NCKAP5: variants seen among roughly 807,000 people sequenced by gnomAD.
The protein encoded by NCKAP5 is NCK associated protein 5.
NCKAP5 carries 92 observed loss-of-function variants against 167.0 expected under a neutral mutation model. The ratio of observed to expected loss-of-function variants is 0.55; its 90% confidence interval spans 0.47 to 0.66. NCKAP5 has a LOEUF of 0.66. Among genes scored for constraint, NCKAP5 ranks in the 30% least tolerant of loss-of-function variants. NCKAP5 has a pLI of 0.00. For missense variants in NCKAP5, 2,378 were observed against 2,315.0 expected (o/e 1.03, Z -0.56); for synonymous variants, 891 against 877.4 (o/e 1.02, Z -0.27).
rs1317559298 is a variant in NCKAP5, at chr2:132,821,906, G to A, written c.808-25177C>T. On this transcript the variant is annotated intron_variant, in intron 11 of 19. Coordinates refer to ENST00000409261, the MANE Select transcript of NCKAP5 (RefSeq NM_207363.3). ...TCTGAGCCCACACCTGCCTAACCCT[G>A]CCCTGACTGGGTAGTACTTCCTTAC... Among the ~76,000 whole-genome samples the A allele has an allele frequency of 9.9e-5, 15 of 152,276 alleles. No individual in the cohort carries two copies. In the East Asian group the frequency reaches 2.5e-3, roughly 26 times the overall value.
At chr2:133,198,281 G>A (rs1194040233) in intron 5 of NCKAP5, among the ~76,000 whole-genome samples, 4 of 152,100 alleles carry the variant, frequency 2.6e-5, no homozygotes, top group Non-Finnish European at 5.9e-5. Flanking sequence ...AGACAAATTT[G>A]CTGATTCAAG....
chr2:133,563,474 CAGG>C (rs1688314127), intron 1 of NCKAP5, among the ~76,000 whole-genome samples: 1 of 142,486 alleles, frequency 7.0e-6, no homozygotes, highest in Admixed American at 7.7e-5. Context: ...GAGGCTGAGG[CAGG>C]AGAATAGCTT....
intron 5 of NCKAP5, among the ~76,000 whole-genome samples, chr2:133,194,372 A>G (rs1173642050): frequency 6.6e-6 from 1 of 152,104 alleles, no homozygotes; most frequent in Non-Finnish European, 1.5e-5. Flanking sequence ...AGCTGTTGAA[A>G]TGCATCTTAT....
rs1683955518 is a variant in NCKAP5, at chr2:132,673,156, T to C, written c.*133A>G. On this transcript the variant is annotated 3_prime_UTR_variant, in exon 20 of 20. Transcript: ENST00000409261. ...ATGTCTCTTCATTTTTTTCTTTTTC[T>C]TCCTTCTGTCCTTCAACCTTGTTCA... 7.3e-7 allele frequency: 1 copy of C among 1,368,024 alleles called. No homozygotes were observed. Among genetic ancestry groups the C allele is most frequent in the African/African-American group, 1.5e-5 (1 of 66,554 alleles). 84.7% of individuals were successfully genotyped at this position (1,368,024 alleles called of 1,614,324 possible). A position where few individuals can be genotyped will look rare whatever the true frequency, so the allele number is the denominator to read the frequency against.
intron 6 of NCKAP5, among the ~76,000 whole-genome samples, chr2:133,067,110 C>A (rs2080226163): frequency 6.6e-6 from 1 of 152,090 alleles, no homozygotes; most frequent in Non-Finnish European, 1.5e-5. Flanking sequence ...CATGATCCTC[C>A]CGCCTCAGCC....
At chr2:133,452,212 T>C (rs566769447) in intron 3 of NCKAP5, among the ~76,000 whole-genome samples, 22 of 152,314 alleles carry the variant, frequency 1.4e-4, no homozygotes, top group African/African-American at 4.1e-4. Flanking sequence ...GTTTCCCATG[T>C]CTGCAATTGC....
intron 4 of NCKAP5, among the ~76,000 whole-genome samples, chr2:133,227,442 C>T (rs772074639): frequency 6.6e-6 from 1 of 152,154 alleles, no homozygotes; most frequent in Non-Finnish European, 1.5e-5. Flanking sequence ...TGTATATACT[C>T]TCTGGCTGCC....
intron 3 of NCKAP5, among the ~76,000 whole-genome samples, chr2:133,438,783 C>G (rs1690655922): frequency 6.6e-6 from 1 of 152,142 alleles, no homozygotes; most frequent in African/African-American, 2.4e-5. Flanking sequence ...TGATATAGTT[C>G]TACCAAACAG....
Position 132,995,009 on chromosome 2 carries a change from G to A in NCKAP5, c.342-770C>T, listed in dbSNP as rs149019580. On this transcript the variant is annotated intron_variant, in intron 6 of 19. Transcript: ENST00000409261. ...TACCATATAAAAGACTTAAAATGGTGCACCTGTATAGGCCACTTGCCACGA... is the reference window on the plus strand; with the variant it reads ...TACCATATAAAAGACTTAAAATGGTACACCTGTATAGGCCACTTGCCACGA... 1.9e-3 allele frequency among the ~76,000 whole-genome samples: 288 copies of A among 152,224 alleles called. 1 individual carries two copies. The highest frequency in any genetic ancestry group is 6.5e-3 in the African/African-American group (268 of 41,528).
At chr2:133,620,779 A>C in the NCKAP5 span, among the ~76,000 whole-genome samples, 1 of 152,164 alleles carries the variant, frequency 6.6e-6, no homozygotes, top group African/African-American at 2.4e-5. Context: ...AACTTAACAG[A>C]TATTTGCAGA....
At chr2:132,895,735 T>C (rs2148889626) in intron 8 of NCKAP5, among the ~76,000 whole-genome samples, 1 of 151,286 alleles carries the variant, frequency 6.6e-6, no homozygotes, top group African/African-American at 2.4e-5. Context: ...CTAGCCCCAT[T>C]TTACAGATGT....
At chr2:133,132,814 C>T (rs1188732344) in intron 5 of NCKAP5, among the ~76,000 whole-genome samples, 1 of 151,726 alleles carries the variant, frequency 6.6e-6, no homozygotes, top group East Asian at 1.9e-4. Context: ...GTAGCTGGGA[C>T]TACAGGCACC....
At chr2:132,816,882 T>C (rs1035173342) in intron 11 of NCKAP5, among the ~76,000 whole-genome samples, 4 of 152,200 alleles carry the variant, frequency 2.6e-5, no homozygotes, top group Admixed American at 6.5e-5. Flanking sequence ...CAGTTTCCTT[T>C]GCCATAGCAC....
At chr2:133,207,043 C>T (rs547419654) in intron 5 of NCKAP5, among the ~76,000 whole-genome samples, 32 of 152,232 alleles carry the variant, frequency 2.1e-4, no homozygotes, top group East Asian at 5.8e-4. Context: ...AGGACATAGA[C>T]GCTCATCAGT....
intron 19 of NCKAP5, among the ~76,000 whole-genome samples, chr2:132,713,592 C>T (rs1689067894): frequency 6.7e-6 from 1 of 149,294 alleles, no homozygotes; most frequent in Non-Finnish European, 1.5e-5. Flanking sequence ...ATCCTGTGGC[C>T]TTGCCTTCTG....
At chr2:132,851,078 G>A (rs1212662990) in intron 11 of NCKAP5, among the ~76,000 whole-genome samples, 1 of 151,632 alleles carries the variant, frequency 6.6e-6, no homozygotes, top group African/African-American at 2.4e-5. Context: ...GACAGTGATT[G>A]ACAGAAACTG....
rs544272662 is a variant in NCKAP5 at position 133,547,607 on chromosome 2, A to C, written c.-62+11443T>G. ...GCAGCCTAACTGGGAGGCACCCCCC[A>C]GCAGGGGCACACTGACACCTCACAC... On this transcript the variant is annotated intron_variant, in intron 2 of 19. Coordinates refer to ENST00000409261, the MANE Select transcript of NCKAP5 (RefSeq NM_207363.3). 9.2e-5 allele frequency among the ~76,000 whole-genome samples: 14 copies of C among 151,504 alleles called. No homozygotes were observed. The East Asian group carries it at 2.4e-3, about 26-fold the overall frequency.
intron 3 of NCKAP5, chr2:133,433,868 G>GGAT (rs1690310349): frequency 6.6e-6 from 1 of 152,100 alleles, no homozygotes; most frequent in Non-Finnish European, 1.5e-5. Flanking sequence ...AGTACTTTGG[G>GGAT]ACTACAGATC....
At chr2:133,664,298 AAGGACCCT>A in the NCKAP5 span, among the ~76,000 whole-genome samples, 1 of 152,138 alleles carries the variant, frequency 6.6e-6, no homozygotes, top group South Asian at 2.1e-4. Context: ...CATAATTCGT[AAGGACCCT>A]AGAAGTTTTG....
Sources: gnomAD v4.1 joint callset for allele counts (sites outside exome capture counted in the v4.1 genomes callset) on GRCh38, gnomAD v4.1.1 for gene constraint, MANE v1.5 for transcripts, NCBI Gene and HGNC (gene_info 2026-07-23, HGNC 2026-07-21) for gene names.